The following SLC25A53 variants were observed in gnomAD, a reference collection of about 807,000 sequenced individuals.
The protein encoded by SLC25A53 is solute carrier family 25 member 53.
SLC25A53 carries 5 observed loss-of-function variants against 15.0 expected under a neutral mutation model. That is an observed-to-expected ratio of 0.33 (90% CI 0.17 to 0.70). The LOEUF is 0.70. SLC25A53 is among the 30% of genes least tolerant of loss of function. The pLI, the probability that SLC25A53 is intolerant of heterozygous loss-of-function variation, is 0.67. For synonymous variants in SLC25A53, 95 were observed against 100.0 expected (o/e 0.95, Z 0.30); for missense variants, 216 against 241.6 (o/e 0.89, Z 0.70).
intron 1 of SLC25A53, among the ~76,000 whole-genome samples, chrX:104,122,444 G>C (rs1381247373): frequency 9.2e-6 from 1 of 108,379 alleles, no homozygotes; most frequent in African/African-American, 3.4e-5. Context: ...ATGGGTAAAG[G>C]CTTCTGTAAA....
intron 1 of SLC25A53, among the ~76,000 whole-genome samples, chrX:104,154,054 A>G (rs782514537): frequency 1.2e-4 from 14 of 112,497 alleles, no homozygotes; most frequent in African/African-American, 4.2e-4. Context: ...GGGGAGAGAC[A>G]GCCTACAGAT....
chrX:104,118,972 C>T (rs1294844330), intron 1 of SLC25A53, among the ~76,000 whole-genome samples: 3 of 112,086 alleles, frequency 2.7e-5, no homozygotes, highest in African/African-American at 9.7e-5. Context: ...GGCAACCATC[C>T]CCTCCCCCTT....
At chrX:104,153,262 A>T (rs201375918) in intron 1 of SLC25A53, among the ~76,000 whole-genome samples, 3,903 of 83,285 alleles carry the variant, frequency 0.047, 137 homozygotes, top group Admixed American at 0.11. Flanking sequence ...ATATATATAT[A>T]TTTTTTTTTT....
intron 1 of SLC25A53, chrX:104,113,561 T>A (rs2075360232): frequency 8.9e-6 from 1 of 112,337 alleles, no homozygotes; most frequent in African/African-American, 3.3e-5. Flanking sequence ...CGAACGCTAG[T>A]TTCCGAGCTC....
chrX:104,109,622 A>C (rs782337260), intron 1 of SLC25A53, among the ~76,000 whole-genome samples: 2 of 112,192 alleles, frequency 1.8e-5, no homozygotes, highest in Non-Finnish European at 3.8e-5. Flanking sequence ...CTTGTTTGGA[A>C]GGCAGCAAAG....
At chrX:104,133,816 G>A (rs1192670670) in intron 1 of SLC25A53, among the ~76,000 whole-genome samples, 10 of 111,667 alleles carry the variant, frequency 9.0e-5, no homozygotes, top group Non-Finnish European at 1.9e-5. Flanking sequence ...CCTCCTGTAA[G>A]TTCACTTCAT....
chrX:104,149,961 A>T (rs2075479997), intron 1 of SLC25A53, among the ~76,000 whole-genome samples: 1 of 111,510 alleles, frequency 9.0e-6, no homozygotes, highest in South Asian at 3.7e-4. Flanking sequence ...GGCTGGGCAC[A>T]GTGGCTCATT....
intron 1 of SLC25A53, among the ~76,000 whole-genome samples, chrX:104,132,414 A>C (rs2075427779): frequency 8.9e-6 from 1 of 111,918 alleles, no homozygotes; most frequent in South Asian, 3.7e-4. Flanking sequence ...AATTGCATTT[A>C]GTGTGATTAT....
chrX:104,153,326 G>A (rs1253041262), intron 1 of SLC25A53, among the ~76,000 whole-genome samples: 2 of 108,545 alleles, frequency 1.8e-5, no homozygotes, highest in East Asian at 5.8e-4. Context: ...AATCATTACC[G>A]CAACTGATCT....
chrX:104,128,787 C>T (rs782775648), intron 1 of SLC25A53, among the ~76,000 whole-genome samples: 2 of 111,448 alleles, frequency 1.8e-5, no homozygotes, highest in African/African-American at 3.3e-5. Context: ...TACACACACA[C>T]ACACACACAC....
In SLC25A53 at chrX:104,103,356, C is replaced by T. The variant is rs139698552; in HGVS notation, c.*978G>A. 1 of 111,105 alleles carries T rather than the reference C, an allele frequency of 9.0e-6. No individual in the cohort carries two copies. Among genetic ancestry groups the T allele is most frequent in the Non-Finnish European group, 1.9e-5 (1 of 53,050 alleles). 9.2% of individuals were successfully genotyped at this position (111,105 alleles called of 1,213,427 possible). ...GTTCATGGAATGTCTGGGGAGAGAA[C>T]AATAGTTCATTATGGCTAGTGTTTG... is the stretch of plus-strand genomic sequence containing the variant. On this transcript the variant is annotated 3_prime_UTR_variant, in exon 2 of 2. Transcript: ENST00000594199.
intron 1 of SLC25A53, among the ~76,000 whole-genome samples, chrX:104,152,077 C>T (rs1250457832): frequency 9.0e-6 from 1 of 110,969 alleles, no homozygotes; most frequent in Admixed American, 9.5e-5. Context: ...TTTTTTGTTT[C>T]GTGTTGTTTT....
At chrX:104,148,530 G>T (rs1250968422) in intron 1 of SLC25A53, among the ~76,000 whole-genome samples, 3 of 110,807 alleles carry the variant, frequency 2.7e-5, no homozygotes, top group Admixed American at 9.6e-5. Flanking sequence ...CATGTCCTTT[G>T]TAGAGACATG....
chrX:104,110,412 G>C (rs1158583675), intron 1 of SLC25A53, among the ~76,000 whole-genome samples: 1 of 111,382 alleles, frequency 9.0e-6, no homozygotes, highest in Admixed American at 9.5e-5. Context: ...GAGATGGAAG[G>C]TGCTTATCTC....
rs2075272651 is a variant in SLC25A53 at position 104,099,548 on chromosome X, C to G, written c.*4786G>C. On this transcript the variant is annotated 3_prime_UTR_variant, in exon 2 of 2. Transcript: ENST00000594199. ...GATCAACTACAGCTATCTGCAATAT[C>G]AATGAGTCTCACAAGCAATGTGGAG... 8.9e-6 allele frequency: 1 copy of G among 112,302 alleles called. No homozygotes were observed. The highest frequency in any genetic ancestry group is 3.2e-5 in the African/African-American group (1 of 30,912). 9.3% of individuals were successfully genotyped at this position (112,302 alleles called of 1,213,427 possible).
At chrX:104,149,681 T>C (rs1556369995) in intron 1 of SLC25A53, among the ~76,000 whole-genome samples, 1 of 111,820 alleles carries the variant, frequency 8.9e-6, no homozygotes, top group Admixed American at 9.5e-5. Context: ...CCCTATTCTA[T>C]TGGTTAATAT....
At chrX:104,152,851 T>G (rs1374444861) in intron 1 of SLC25A53, among the ~76,000 whole-genome samples, 1 of 112,253 alleles carries the variant, frequency 8.9e-6, no homozygotes, top group Non-Finnish European at 1.9e-5. Context: ...GGTTGTCTTT[T>G]TATGTGTGTC....
At position 104,104,303 on chromosome X, in the gene SLC25A53, T is replaced by A; in HGVS notation, c.*31A>T. On this transcript the variant is annotated 3_prime_UTR_variant, in exon 2 of 2. Transcript: ENST00000594199. ...AGAACCAACCAGGGAAGATTTAGAA[T>A]AACAAAGCTGCCATGCCACACTTTC... The A allele has an allele frequency of 8.4e-7, 1 of 1,187,689 alleles. No individual in the cohort carries two copies. Among genetic ancestry groups the A allele is most frequent in the Non-Finnish European group, 1.1e-6 (1 of 879,043 alleles).
intron 1 of SLC25A53, among the ~76,000 whole-genome samples, chrX:104,144,433 A>G (rs1602503703): frequency 9.0e-6 from 1 of 111,395 alleles, no homozygotes; most frequent in Non-Finnish European, 1.9e-5. Context: ...AGCAAAAAAA[A>G]GCAGGGGTTG....
Sources: allele counts gnomAD v4.1 joint callset (sites outside exome capture counted in the v4.1 genomes callset), GRCh38; gene constraint gnomAD v4.1.1; transcripts MANE v1.5; gene names NCBI Gene and HGNC (gene_info 2026-07-23, HGNC 2026-07-21).